GABRA4: variants seen among roughly 807,000 people sequenced by gnomAD.
GABRA4 encodes gamma-aminobutyric acid type A receptor subunit alpha4.
A neutral mutation model predicts 49.7 loss-of-function variants in GABRA4; 12 were observed. The observed-to-expected ratio is 0.24, with a 90% confidence interval of 0.15 to 0.39. GABRA4 has a LOEUF of 0.39. GABRA4 is among the 10% of genes least tolerant of loss of function. The pLI is 1.00. For missense variants in GABRA4, 506 were observed against 686.0 expected, an observed-to-expected ratio of 0.74 and a Z score of 2.93; for synonymous variants, 288 against 240.2, an observed-to-expected ratio of 1.20 and a Z score of -1.84.
intron 8 of GABRA4, among the ~76,000 whole-genome samples, chr4:46,951,150 G>A (rs773457844): frequency 6.6e-6 from 1 of 151,990 alleles, no homozygotes; most frequent in African/African-American, 2.4e-5. Flanking sequence ...GTTAAGAGAA[G>A]AGTTACACAG....
intron 8 of GABRA4, among the ~76,000 whole-genome samples, chr4:46,938,507 G>T (rs1721674454): frequency 6.6e-6 from 1 of 152,036 alleles, no homozygotes; most frequent in African/African-American, 2.4e-5. Flanking sequence ...CCATAGCTCA[G>T]GAATTATAAG....
Position 46,932,216 on chromosome 4 carries a change from A to G in GABRA4, c.1135-3461T>C, listed in dbSNP as rs74994602. On this transcript the variant is annotated intron_variant, in intron 8 of 8. Coordinates refer to ENST00000264318, the MANE Select transcript of GABRA4 (RefSeq NM_000809.4). Reference sequence around the variant, plus strand: ...GAAGGACCAACATATTTTGCCCTTCATAATCCCACTCTATAAGAATTACAA... The same window carrying G: ...GAAGGACCAACATATTTTGCCCTTCGTAATCCCACTCTATAAGAATTACAA... Among the ~76,000 whole-genome samples the G allele has an allele frequency of 8.6e-3, 1,304 of 152,256 alleles. 6 individuals carry two copies. The highest frequency in any genetic ancestry group is 0.03 in the African/African-American group (1,238 of 41,556).
intron 2 of GABRA4, among the ~76,000 whole-genome samples, chr4:46,982,904 G>A (rs1723407023): frequency 6.6e-6 from 1 of 152,046 alleles, no homozygotes; most frequent in Non-Finnish European, 1.5e-5. Flanking sequence ...TGGACAGATT[G>A]AGGGGCTGGT....
chr4:46,939,820 T>C (rs1577750342), intron 8 of GABRA4, among the ~76,000 whole-genome samples: 1 of 152,004 alleles, frequency 6.6e-6, no homozygotes, highest in African/African-American at 2.4e-5. Context: ...TCCCATTGCA[T>C]GTGAAAATTG....
At chr4:46,936,660 T>C (rs1194900703) in intron 8 of GABRA4, among the ~76,000 whole-genome samples, 2 of 152,166 alleles carry the variant, frequency 1.3e-5, no homozygotes, top group Non-Finnish European at 2.9e-5. Context: ...CCTACAAGAA[T>C]ATTCATATGT....
intron 2 of GABRA4, among the ~76,000 whole-genome samples, chr4:46,989,785 T>C (rs962207459): frequency 1.3e-5 from 2 of 152,202 alleles, no homozygotes; most frequent in Non-Finnish European, 2.9e-5. Flanking sequence ...AGAAGCAGGA[T>C]TATAGGAACC....
At chr4:46,989,182 C>G (rs560126601) in intron 2 of GABRA4, among the ~76,000 whole-genome samples, 2 of 152,164 alleles carry the variant, frequency 1.3e-5, no homozygotes, top group East Asian at 3.8e-4. Context: ...GCTGTGCAAC[C>G]CTTCAATAAA....
chr4:46,978,800 T>C (rs1723244835), intron 3 of GABRA4, among the ~76,000 whole-genome samples: 1 of 150,422 alleles, frequency 6.6e-6, no homozygotes, highest in African/African-American at 2.5e-5. Context: ...AATAGGAAAG[T>C]TCTTCTCTTT....
At chr4:46,971,631 A>G (rs1434849449) in intron 6 of GABRA4, among the ~76,000 whole-genome samples, 1 of 151,462 alleles carries the variant, frequency 6.6e-6, no homozygotes, top group Admixed American at 6.6e-5. Flanking sequence ...ACAGTTACAC[A>G]TACACAGACA....
intron 6 of GABRA4, 80 bp downstream of exon 6, chr4:46,974,152 C>G (rs2079639490): frequency 5.0e-6 from 7 of 1,405,942 alleles, no homozygotes; most frequent in Non-Finnish European, 6.8e-6. Context: ...AAAAAATTAA[C>G]TATTTCAATG....
intron 6 of GABRA4, among the ~76,000 whole-genome samples, chr4:46,972,792 C>G (rs888457120): frequency 6.6e-6 from 1 of 151,624 alleles, no homozygotes; most frequent in Non-Finnish European, 1.5e-5. Flanking sequence ...CACCATTCCT[C>G]TCACTGCCTT....
intron 5 of GABRA4, among the ~76,000 whole-genome samples, chr4:46,975,647 T>C (rs1723115657): frequency 6.6e-6 from 1 of 151,996 alleles, no homozygotes; most frequent in South Asian, 2.1e-4. Context: ...AATTTCTTTA[T>C]TTTATACAAA....
Position 46,992,830 on chromosome 4 carries a change from C to G in GABRA4, c.203G>C (p.Gly68Ala). 3.1e-6 allele frequency: 5 copies of G among 1,612,364 alleles called. No homozygotes were observed. Among genetic ancestry groups the G allele is most frequent in the Non-Finnish European group, 4.2e-6 (5 of 1,178,472 alleles). ...GYDNRLRPGF[G>A]GPVTEVKTDI... ...TGCGCGTTTGAAATCGTTCATACCC[C>G]CAAATCCAGGACGCAGCCTGTTGTC... Residue 68 changes from glycine (G) to alanine (A), a missense_variant and splice_region_variant, in exon 2 of 9, where the codon GGG becomes GCG. This residue lies in a region of GABRA4 where 195 missense variants were observed against 326.0 expected (regional missense o/e 0.60). Coordinates refer to ENST00000264318, the MANE Select transcript of GABRA4 (RefSeq NM_000809.4).
rs1265894586 is a variant in GABRA4 at position 46,924,939 on chromosome 4, A to G, written c.*3286T>C. Reference sequence around the variant, plus strand: ...AAAACCACAAGACACTCAGAACTTGAAATTAAGTGACCCATCTCCACACCT... The same window carrying G: ...AAAACCACAAGACACTCAGAACTTGGAATTAAGTGACCCATCTCCACACCT... On this transcript the variant is annotated 3_prime_UTR_variant, in exon 9 of 9. Coordinates refer to ENST00000264318, the MANE Select transcript of GABRA4 (RefSeq NM_000809.4). 6.6e-6 allele frequency: 1 copy of G among 151,976 alleles called. No individual in the cohort carries two copies. Among genetic ancestry groups the G allele is most frequent in the East Asian group, 1.9e-4 (1 of 5,178 alleles). The allele number at this position is 151,976 out of a possible 1,614,324, so 9.4% of individuals were successfully genotyped here.
At chr4:46,981,045 T>G (rs73813760) in intron 2 of GABRA4, among the ~76,000 whole-genome samples, 16,181 of 152,080 alleles carry the variant, frequency 0.11, 947 homozygotes, top group South Asian at 0.19. Flanking sequence ...TAAAACAGAT[T>G]GTTGAACTCC....
At chr4:46,977,191 A>G in intron 4 of GABRA4, 48 bp from the exon 5 acceptor site, 1 of 1,239,720 alleles carries the variant, frequency 8.1e-7, no homozygotes, top group Middle Eastern at 1.9e-4. Context: ...TTAAAGAATA[A>G]TTGTGACTTT....
At chr4:46,933,081 T>C (rs1204306119) in intron 8 of GABRA4, among the ~76,000 whole-genome samples, 1 of 151,990 alleles carries the variant, frequency 6.6e-6, no homozygotes, top group African/African-American at 2.4e-5. Context: ...GTAAGAGACT[T>C]TTTGAGAGTG....
rs1577796579 is a variant in GABRA4, at chr4:46,986,075, A to G, written c.205+6753T>C. ...TCTGATTCTTCTTATTCACTCCATC[A>G]TCTATCTCAATAACTTGTTTTTCAT... is the stretch of plus-strand genomic sequence containing the variant. On this transcript the variant is annotated intron_variant, in intron 2 of 8. Coordinates refer to ENST00000264318, the MANE Select transcript of GABRA4 (RefSeq NM_000809.4). Among the ~76,000 whole-genome samples, 3 of 152,028 alleles carry G rather than the reference A, an allele frequency of 2.0e-5. 1 individual carries two copies. The highest frequency in any genetic ancestry group is 6.6e-5 in the Admixed American group (1 of 15,246).
intron 8 of GABRA4, among the ~76,000 whole-genome samples, chr4:46,931,058 G>C (rs1413248772): frequency 6.6e-6 from 1 of 151,998 alleles, no homozygotes; most frequent in African/African-American, 2.4e-5. Flanking sequence ...AGATAAGAAT[G>C]CTAAACAAAG....
Sources: allele counts gnomAD v4.1 joint callset (sites outside exome capture counted in the v4.1 genomes callset), GRCh38; gene constraint gnomAD v4.1.1; regional missense constraint gnomAD v4.1.1; transcripts MANE v1.5; gene names NCBI Gene and HGNC (gene_info 2026-07-23, HGNC 2026-07-21).